WNK1: variants seen among roughly 807,000 people sequenced by gnomAD.
WNK1 encodes the protein WNK lysine deficient protein kinase 1, also known as serine/threonine-protein kinase WNK1.
A neutral mutation model predicts 222.8 loss-of-function variants in WNK1; 38 were observed. The observed-to-expected ratio is 0.17, with a 90% CI of 0.13 to 0.22. WNK1 has a LOEUF of 0.22. Among genes scored for constraint, WNK1 ranks in the 10% least tolerant of loss-of-function variants. WNK1 has a pLI of 1.00. For synonymous variants in WNK1, 1,090 were observed against 1,092.9 expected, an observed-to-expected ratio of 1.00 and a Z score of 0.05; for missense variants, 2,348 against 2,918.4, an observed-to-expected ratio of 0.80 and a Z score of 4.50.
chr12:822,186 C>T (rs151186774), intron 2 of WNK1, among the ~76,000 whole-genome samples: 6,060 of 150,826 alleles, frequency 0.04, 395 homozygotes, highest in African/African-American at 0.14. Context: ...CCCCGCCTCC[C>T]GGGTTCAAGC....
At chr12:865,110 C>A in intron 8 of WNK1, 1 of 1,512,112 alleles carries the variant, frequency 6.6e-7, no homozygotes, top group South Asian at 1.2e-5. Context: ...TTGTGTTGAG[C>A]CTCGTCGTGG....
chr12:870,965 T>C (rs988212797), intron 8 of WNK1, among the ~76,000 whole-genome samples: 9 of 152,250 alleles, frequency 5.9e-5, no homozygotes, highest in Non-Finnish European at 5.9e-5. Context: ...TAACAAATTT[T>C]ATTATGAATC....
intron 4 of WNK1, among the ~76,000 whole-genome samples, chr12:835,064 A>C (rs1949078639): frequency 6.6e-6 from 1 of 152,338 alleles, no homozygotes; most frequent in South Asian, 2.1e-4. Context: ...CACGCCTGTA[A>C]TCCCAGCACT....
intron 1 of WNK1, among the ~76,000 whole-genome samples, chr12:758,370 GTTCTTT>G: frequency 1.4e-5 from 1 of 69,094 alleles, no homozygotes; most frequent in East Asian, 4.7e-4. Flanking sequence ...CTTTGCTATA[GTTCTTT>G]TTTTTTTTTT....
Position 753,630 on chromosome 12 carries a change from C to T in WNK1, c.65C>T (p.Ala22Val), listed in dbSNP as rs1245390063. ...TPGSLFLSPPAPAPKNGSSSD... is the reference protein window; with the variant it reads ...TPGSLFLSPPVPAPKNGSSSD... ...GGTTCCCTGTTCCTCTCGCCGCCGG[C>T]TCCTGCCCCCAAGAATGGCTCCAGC... The change falls in exon 1 of 28, where the codon GCT (alanine) becomes GTT (valine). Residue 22 changes from alanine to valine, a missense_variant. Transcript: ENST00000315939. This position sits in a 1 kb window ranked among gnomAD's most constrained non-coding sequence, Gnocchi z 5.2. 2 of 1,612,834 alleles carry T rather than the reference C, an allele frequency of 1.2e-6. No homozygotes were observed. Among genetic ancestry groups the T allele is most frequent in the Non-Finnish European group, 1.7e-6 (2 of 1,179,936 alleles).
At chr12:857,103 A>T (rs1393935640) in intron 4 of WNK1, 58 bp from the exon 5 acceptor site, 10 of 1,566,726 alleles carry the variant, frequency 6.4e-6, no homozygotes, top group Non-Finnish European at 7.9e-6. Context: ...TTGGAAATTT[A>T]AAAAACAAAG....
At chr12:844,890 C>CTTTTTTT (rs11352734) in intron 4 of WNK1, among the ~76,000 whole-genome samples, 1 of 80,430 alleles carries the variant, frequency 1.2e-5, no homozygotes, top group African/African-American at 4.6e-5. Context: ...TGTACCTTCT[C>CTTTTTTT]TTTTTTTTTT....
At position 910,794 on chromosome 12, in the gene WNK1, G is replaced by A. The variant is rs1472625953; in HGVS notation, c.*2002G>A. The stretch of plus-strand genomic sequence containing the variant: ...CTTCCCTTAGTAAGTAAGTAAGTTG[G>A]TCTACGGCCCTAAATATGCAAATGA... On this transcript the variant is annotated 3_prime_UTR_variant, in exon 28 of 28. Coordinates refer to ENST00000315939, the MANE Select transcript of WNK1 (RefSeq NM_018979.4). 1 of 152,282 alleles carries A rather than the reference G, an allele frequency of 6.6e-6. No homozygotes were observed. The highest frequency in any genetic ancestry group is 2.4e-5 in the African/African-American group (1 of 41,422). The allele number at this position is 152,282 out of a possible 1,614,324, so 9.4% of individuals were successfully genotyped here. A position where few individuals can be genotyped will look rare whatever the true frequency, so the allele number is the denominator to read the frequency against.
intron 9 of WNK1, among the ~76,000 whole-genome samples, chr12:872,627 T>A (rs908283599): frequency 6.6e-6 from 1 of 152,250 alleles, no homozygotes; most frequent in Non-Finnish European, 1.5e-5. Flanking sequence ...AATTGAATAC[T>A]TATTAGCTAT....
rs1033391607 is a variant in WNK1 at position 879,609 on chromosome 12, G to A, written c.2410G>A (p.Glu804Lys). The change falls in exon 11 of 28, where the codon GAA becomes AAA. Residue 804 changes from glutamate to lysine, a missense_variant. Glu to Lys is a moderately conservative substitution (Grantham distance 56). Coordinates refer to ENST00000315939, the MANE Select transcript of WNK1 (RefSeq NM_018979.4). ...VSQPVPTIQG[E>K]PQIPVATQPS... Reference sequence around the variant, plus strand: ...CCAGCCAGTACCAACTATCCAAGGCGAACCTCAGATCCCAGTTGCGACACA... The same window carrying A: ...CCAGCCAGTACCAACTATCCAAGGCAAACCTCAGATCCCAGTTGCGACACA... 2.5e-6 allele frequency: 4 copies of A among 1,596,604 alleles called. No individual in the cohort carries two copies. The highest frequency in any genetic ancestry group is 1.7e-6 in the Non-Finnish European group (2 of 1,173,200).
chr12:899,619 T>C (rs1397815014), intron 25 of WNK1, among the ~76,000 whole-genome samples: 1 of 152,148 alleles, frequency 6.6e-6, no homozygotes, highest in East Asian at 1.9e-4. Context: ...TTTGACATAC[T>C]TTTTGAGTGG....
At chr12:800,097 C>A (rs1392110470) in intron 1 of WNK1, among the ~76,000 whole-genome samples, 1 of 152,126 alleles carries the variant, frequency 6.6e-6, no homozygotes, top group Non-Finnish European at 1.5e-5. Flanking sequence ...TGGTCTAGGA[C>A]TGGACTACTG....
chr12:867,576 G>A (rs72649853), intron 8 of WNK1, among the ~76,000 whole-genome samples: 16 of 152,110 alleles, frequency 1.1e-4, no homozygotes, highest in Non-Finnish European at 2.1e-4. Context: ...GGGTAAAAAC[G>A]AAATAATTAC....
At chr12:786,970 T>A (rs1944370543) in intron 1 of WNK1, among the ~76,000 whole-genome samples, 1 of 152,182 alleles carries the variant, frequency 6.6e-6, no homozygotes. Context: ...GTTGGTCTTC[T>A]TCCTGCCTTC....
At position 884,215 on chromosome 12, in the gene WNK1, A is replaced by C. The variant is rs780407738; in HGVS notation, c.3816A>C (p.Lys1272Asn). Residue 1272 changes from lysine to asparagine, a missense_variant, in exon 18 of 28, where the codon AAA becomes AAC. Physicochemically the swap from Lys to Asn is moderately conservative, Grantham distance 94. Coordinates refer to ENST00000315939, the MANE Select transcript of WNK1 (RefSeq NM_018979.4). This position sits in a 1 kb window ranked among gnomAD's most constrained non-coding sequence, Gnocchi z 5.6. ...CAGAAAGCCGATTACGAGAATCAAA[A>C]GTTTTCCCCAGTGAAATAACAGATA... is the stretch of plus-strand genomic sequence containing the variant. ...PVPESRLRES[K>N]VFPSEITDTV... The C allele has an allele frequency of 6.2e-7, 1 of 1,614,178 alleles. No homozygotes were observed. Among genetic ancestry groups the C allele is most frequent in the Non-Finnish European group, 8.5e-7 (1 of 1,180,020 alleles).
At chr12:819,193 C>G (rs1947633940) in intron 2 of WNK1, among the ~76,000 whole-genome samples, 1 of 151,978 alleles carries the variant, frequency 6.6e-6, no homozygotes, top group Non-Finnish European at 1.5e-5. Context: ...TATTGGATTG[C>G]TTGTTTTTTT....
At chr12:806,366 T>C (rs1946367547) in intron 1 of WNK1, among the ~76,000 whole-genome samples, 1 of 152,230 alleles carries the variant, frequency 6.6e-6, no homozygotes. Context: ...TTGGATTTGA[T>C]GTAATGGAGC....
intron 1 of WNK1, among the ~76,000 whole-genome samples, chr12:785,911 T>C (rs189385464): frequency 3.2e-4 from 49 of 152,318 alleles, no homozygotes; most frequent in African/African-American, 1.1e-3. Flanking sequence ...CCCAGTATAA[T>C]CTGACTGTAC....
intron 14 of WNK1, among the ~76,000 whole-genome samples, chr12:882,430 C>T (rs1338297543): frequency 6.6e-6 from 1 of 152,050 alleles, no homozygotes; most frequent in African/African-American, 2.4e-5. Context: ...AACTCCTGAC[C>T]TCAGGTGACT....
Sources: allele counts gnomAD v4.1 joint callset (sites outside exome capture counted in the v4.1 genomes callset), GRCh38; gene constraint gnomAD v4.1.1; non-coding constraint Gnocchi (gnomAD v3.1); transcripts MANE v1.5; gene names NCBI Gene and HGNC (gene_info 2026-07-23, HGNC 2026-07-21).